SOX5: variants seen among roughly 807,000 people sequenced by gnomAD.
The protein encoded by SOX5 is SRY-box transcription factor 5.
A neutral mutation model predicts 92.0 loss-of-function variants in SOX5; 9 were observed. The ratio of observed to expected loss-of-function variants is 0.10; its 90% CI spans 0.06 to 0.17. The LOEUF (loss-of-function observed/expected upper bound fraction) is 0.17, where lower values mean the gene tolerates loss of function less well. Among genes scored for constraint, SOX5 ranks in the 10% least tolerant of loss-of-function variants. The pLI is 1.00. For missense variants in SOX5, 642 were observed against 944.5 expected (o/e 0.68, Z 4.20); for synonymous variants, 344 against 336.3 (o/e 1.02, Z -0.25).
rs1271691860 is a variant in SOX5 at position 23,969,908 on chromosome 12, T to C, written c.-1-73884A>G. Among the ~76,000 whole-genome samples, 4 of 152,176 alleles carry C rather than the reference T, an allele frequency of 2.6e-5. No individual in the cohort carries two copies. The East Asian group carries it at 7.7e-4, about 29-fold the overall frequency. ...CAGCGAACAAACAGTACAAATGTTT[T>C]ACATGAGCTCAAGGACGCAAGTGTG... On this transcript the variant is annotated intron_variant, in intron 4 of 4. Coordinates refer to the SOX5 transcript ENST00000446891.
chr12:24,120,612 A>T (rs1261889881), intron 4 of SOX5, among the ~76,000 whole-genome samples: 1 of 152,240 alleles, frequency 6.6e-6, no homozygotes, highest in East Asian at 1.9e-4. Context: ...AAAATAAAGC[A>T]TTCAATATTC....
chr12:24,378,930 C>T (rs1436821319), intron 1 of SOX5, among the ~76,000 whole-genome samples: 1 of 152,210 alleles, frequency 6.6e-6, no homozygotes, highest in Non-Finnish European at 1.5e-5. Context: ...ACCTTTGACG[C>T]ATTTCTCCCC....
At chr12:23,541,954 A>G (rs771752456) in intron 13 of SOX5, among the ~76,000 whole-genome samples, 8 of 152,172 alleles carry the variant, frequency 5.3e-5, no homozygotes, top group Admixed American at 1.3e-4. Flanking sequence ...CTGCGAAAAT[A>G]CAAAAGTTAG....
intron 4 of SOX5, among the ~76,000 whole-genome samples, chr12:24,009,084 T>G (rs1203000464): frequency 1.3e-5 from 2 of 152,148 alleles, no homozygotes; most frequent in African/African-American, 4.8e-5. Flanking sequence ...ATTACAGCCA[T>G]CCCAGCAGAC....
At chr12:24,176,085 C>G (rs1170835115) in intron 4 of SOX5, among the ~76,000 whole-genome samples, 2 of 152,142 alleles carry the variant, frequency 1.3e-5, no homozygotes, top group Non-Finnish European at 2.9e-5. Flanking sequence ...AATTCCAACA[C>G]TTTGGGAGGC....
At chr12:24,140,563 G>T (rs886164600) in intron 4 of SOX5, among the ~76,000 whole-genome samples, 1 of 152,100 alleles carries the variant, frequency 6.6e-6, no homozygotes, top group Admixed American at 6.6e-5. Context: ...TTTGAATCCT[G>T]AGATGTTTTA....
chr12:24,340,847 AT>A (rs1952491428), intron 2 of SOX5, among the ~76,000 whole-genome samples: 1 of 152,140 alleles, frequency 6.6e-6, no homozygotes, highest in Admixed American at 6.5e-5. Flanking sequence ...TGTCTGAAGG[AT>A]TTTTTGTTGT....
At chr12:24,010,416 T>C (rs945971361) in intron 4 of SOX5, among the ~76,000 whole-genome samples, 1 of 152,280 alleles carries the variant, frequency 6.6e-6, no homozygotes, top group African/African-American at 2.4e-5. Context: ...ACACATTGGA[T>C]TGCATCCTGA....
At chr12:23,947,585 CA>C (rs1194582437) in intron 1 of SOX5, among the ~76,000 whole-genome samples, 1 of 151,680 alleles carries the variant, frequency 6.6e-6, no homozygotes, top group East Asian at 1.9e-4. Context: ...TATTGTGTGA[CA>C]TTTTTCAGAA....
At chr12:23,658,174 ATG>A (rs2082557518) in intron 7 of SOX5, among the ~76,000 whole-genome samples, 1 of 152,166 alleles carries the variant, frequency 6.6e-6, no homozygotes, top group Non-Finnish European at 1.5e-5. Context: ...TATTATTTTT[ATG>A]TCAAGTTATA....
At chr12:23,759,440 A>G (rs1209873725) in intron 3 of SOX5, among the ~76,000 whole-genome samples, 1 of 152,060 alleles carries the variant, frequency 6.6e-6, no homozygotes, top group African/African-American at 2.4e-5. Context: ...GAAGGGGATC[A>G]TAAGACATCA....
intron 1 of SOX5, among the ~76,000 whole-genome samples, chr12:23,944,625 C>G (rs546386584): frequency 6.6e-6 from 1 of 152,230 alleles, no homozygotes; most frequent in African/African-American, 2.4e-5. Flanking sequence ...CTCACTCTAG[C>G]AATATCACTT....
At chr12:23,844,991 G>A (rs1470061427) in intron 3 of SOX5, among the ~76,000 whole-genome samples, 1 of 152,070 alleles carries the variant, frequency 6.6e-6, no homozygotes, top group Non-Finnish European at 1.5e-5. Flanking sequence ...CCAAAATCCA[G>A]GTCCCAGTTA....
At chr12:23,784,261 A>C (rs926430592) in intron 3 of SOX5, among the ~76,000 whole-genome samples, 1 of 152,166 alleles carries the variant, frequency 6.6e-6, no homozygotes, top group South Asian at 2.1e-4. Flanking sequence ...ACTGGATAAT[A>C]AAATCTTGAA....
chr12:23,864,795 G>A (rs530239082), intron 2 of SOX5, among the ~76,000 whole-genome samples: 14 of 152,338 alleles, frequency 9.2e-5, no homozygotes, highest in African/African-American at 2.4e-4. Context: ...GAAGCAGAAT[G>A]TGCAGATATA....
intron 4 of SOX5, among the ~76,000 whole-genome samples, chr12:23,973,550 A>G (rs1017883086): frequency 1.3e-4 from 20 of 152,188 alleles, no homozygotes; most frequent in Admixed American, 2.6e-4. Flanking sequence ...AAGAATTTCC[A>G]TCTTTTTAAA....
chr12:23,589,195 T>C (rs1340634068), intron 9 of SOX5, among the ~76,000 whole-genome samples: 2 of 151,968 alleles, frequency 1.3e-5, no homozygotes, highest in Non-Finnish European at 2.9e-5. Context: ...ATAATTTTTT[T>C]TTTGCATAAA....
intron 3 of SOX5, among the ~76,000 whole-genome samples, chr12:23,763,140 T>C (rs531967852): frequency 1.4e-4 from 21 of 152,340 alleles, no homozygotes; most frequent in African/African-American, 5.0e-4. Flanking sequence ...ACTTATTAAG[T>C]TTTGTGCCCT....
intron 4 of SOX5, among the ~76,000 whole-genome samples, chr12:24,077,727 A>G (rs1358440048): frequency 6.7e-6 from 1 of 148,930 alleles, no homozygotes; most frequent in Non-Finnish European, 1.5e-5. Context: ...ATTAAAAGAA[A>G]TTACTAATTT....
Sources: gnomAD v4.1 joint callset for allele counts (sites outside exome capture counted in the v4.1 genomes callset) on GRCh38, gnomAD v4.1.1 for gene constraint, MANE v1.5 for transcripts, NCBI Gene and HGNC (gene_info 2026-07-23, HGNC 2026-07-21) for gene names.